BCAP29: variants seen among roughly 807,000 people sequenced by gnomAD.
The protein encoded by BCAP29 is B cell receptor associated protein 29.
BCAP29 carries 34 observed loss-of-function variants against 31.8 expected under a neutral mutation model. The ratio of observed to expected loss-of-function variants is 1.07; its 90% CI spans 0.81 to 1.42. The LOEUF (loss-of-function observed/expected upper bound fraction) is 1.42, where lower values mean the gene tolerates loss of function less well. Among genes scored for constraint, BCAP29 ranks in the 40% most tolerant of loss-of-function variants. The pLI is 0.00. For missense variants in BCAP29, 314 were observed against 269.2 expected, an observed-to-expected ratio of 1.17 and a Z score of -1.16; for synonymous variants, 104 against 91.3, an observed-to-expected ratio of 1.14 and a Z score of -0.79.
At chr7:107,606,542 C>T (rs1271284972) in intron 6 of BCAP29, among the ~76,000 whole-genome samples, 1 of 152,138 alleles carries the variant, frequency 6.6e-6, no homozygotes, top group African/African-American at 2.4e-5. Flanking sequence ...AGGTTTTATG[C>T]ATCTGTTAGC....
At chr7:107,588,232 A>C (rs1414531677) in intron 3 of BCAP29, among the ~76,000 whole-genome samples, 1 of 152,222 alleles carries the variant, frequency 6.6e-6, no homozygotes, top group Admixed American at 6.5e-5. Context: ...TAGATATGGC[A>C]TACAAATATA....
intron 3 of BCAP29, among the ~76,000 whole-genome samples, chr7:107,586,332 T>A (rs927833787): frequency 6.6e-6 from 1 of 152,168 alleles, no homozygotes; most frequent in African/African-American, 2.4e-5. Context: ...GACCAGCTAG[T>A]ACCAGTTATC....
intron 7 of BCAP29, chr7:107,616,397 T>A (rs1316103170): frequency 2.0e-5 from 3 of 152,178 alleles, no homozygotes; most frequent in Non-Finnish European, 2.9e-5. Context: ...TTGGTGTGTG[T>A]ACTTTTTCAT....
Position 107,618,870 on chromosome 7 carries a change from A to C in BCAP29, c.*507A>C, listed in dbSNP as rs1345727561. 1 of 228,662 alleles carries C rather than the reference A, an allele frequency of 4.4e-6. No homozygotes were observed. Among genetic ancestry groups the C allele is most frequent in the African/African-American group, 2.2e-5 (1 of 44,610 alleles). The allele number at this position is 228,662 out of a possible 1,614,324, so 14.2% of individuals were successfully genotyped here. On this transcript the variant is annotated 3_prime_UTR_variant, in exon 8 of 8. Transcript: ENST00000005259. ...TGTATTTATAAGGAAGAGTCGGAAA[A>C]AACAATGACCTTAGTTTTTTTTAAG...
At chr7:107,615,183 T>A (rs1193984521) in intron 7 of BCAP29, 1 of 456,406 alleles carries the variant, frequency 2.2e-6, no homozygotes, top group Non-Finnish European at 4.4e-6. Context: ...CAGCCATTGG[T>A]TCTCTTAATT....
At chr7:107,622,083 C>T (rs1309347876), downstream of BCAP29, 6 of 425,008 alleles carry the variant, frequency 1.4e-5, no homozygotes, top group Non-Finnish European at 2.8e-5. Context: ...CTGTATTTTG[C>T]CATTGTCGTT....
At chr7:107,623,049 C>G (rs1815103471), downstream of BCAP29, 1 of 151,976 alleles carries the variant, frequency 6.6e-6, no homozygotes, top group Non-Finnish European at 1.5e-5. Context: ...TTTTCTTCCT[C>G]TGTCCTGCTG....
At chr7:107,601,215 A>G (rs545051958) in intron 6 of BCAP29, among the ~76,000 whole-genome samples, 1 of 152,334 alleles carries the variant, frequency 6.6e-6, no homozygotes, top group Admixed American at 6.5e-5. Flanking sequence ...ACTCAGTGTA[A>G]GTTTGTGGCT....
chr7:107,591,333 C>T (rs991870992), intron 3 of BCAP29, among the ~76,000 whole-genome samples: 1 of 152,122 alleles, frequency 6.6e-6, no homozygotes, highest in African/African-American at 2.4e-5. Context: ...TTGGGAGACT[C>T]ACACTACCAG....
rs1814653842 is a variant in BCAP29, at chr7:107,618,939, T to C, written c.*576T>C. 2 of 162,150 alleles carry C rather than the reference T, an allele frequency of 1.2e-5. No homozygotes were observed. Among genetic ancestry groups the C allele is most frequent in the African/African-American group, 4.8e-5 (2 of 41,834 alleles). 10.0% of individuals were successfully genotyped at this position (162,150 alleles called of 1,614,324 possible). ...TACTCTAATAAGATAGCTATATTGA[T>C]AATTATATTTTTGTTACTGTGCCCT... On this transcript the variant is annotated 3_prime_UTR_variant, in exon 8 of 8. Coordinates refer to ENST00000005259, the MANE Select transcript of BCAP29 (RefSeq NM_018844.4).
chr7:107,583,432 A>G (rs546728720), intron 2 of BCAP29, among the ~76,000 whole-genome samples: 1 of 152,128 alleles, frequency 6.6e-6, no homozygotes, highest in African/African-American at 2.4e-5. Flanking sequence ...TTTTAGTTGG[A>G]GTATACGTTA....
chr7:107,615,505 A>T (rs1398800985), intron 7 of BCAP29: 4 of 336,136 alleles, frequency 1.2e-5, no homozygotes, highest in African/African-American at 6.4e-5. Context: ...CTGAGGCAGG[A>T]GAATCACTTG....
chr7:107,603,604 ATT>A (rs34689734), intron 6 of BCAP29: 1,614 of 108,450 alleles, frequency 0.015, 20 homozygotes, highest in African/African-American at 0.051. Flanking sequence ...TTCATCAGCA[ATT>A]TTTTTTTTTT....
chr7:107,589,737 T>C (rs1808370839), intron 3 of BCAP29, among the ~76,000 whole-genome samples: 1 of 152,216 alleles, frequency 6.6e-6, no homozygotes, highest in African/African-American at 2.4e-5. Flanking sequence ...ATACACTATA[T>C]TCTGGGCCAT....
intron 3 of BCAP29, among the ~76,000 whole-genome samples, chr7:107,591,592 C>G (rs1295364277): frequency 8.5e-6 from 1 of 117,122 alleles, no homozygotes; most frequent in Non-Finnish European, 1.7e-5. Flanking sequence ...CTCTCTCTCT[C>G]TCTTTCTCTC....
chr7:107,595,536 C>A (rs1478279555), intron 4 of BCAP29, among the ~76,000 whole-genome samples: 1 of 151,960 alleles, frequency 6.6e-6, no homozygotes, highest in Non-Finnish European at 1.5e-5. Context: ...TTGAACTGGG[C>A]CAAAAAAAAT....
At chr7:107,618,200 CT>C (rs1350173386) in intron 7 of BCAP29, 127 bp from the exon 8 acceptor site, 8 of 662,194 alleles carry the variant, frequency 1.2e-5, no homozygotes, top group Non-Finnish European at 1.4e-5. Flanking sequence ...TTTCTCAATC[CT>C]TTTTTTCACA....
chr7:107,599,996 G>T (rs1810866254), intron 5 of BCAP29, among the ~76,000 whole-genome samples: 1 of 152,076 alleles, frequency 6.6e-6, no homozygotes, highest in South Asian at 2.1e-4. Flanking sequence ...ATAAAAATAG[G>T]CTGAGTAGAT....
At chr7:107,601,476 AAAAAG>A (rs1378974921) in intron 6 of BCAP29, among the ~76,000 whole-genome samples, 7 of 152,236 alleles carry the variant, frequency 4.6e-5, no homozygotes, top group African/African-American at 1.7e-4. Flanking sequence ...TTCAAGTGAA[AAAAAG>A]AAGACAGTTC....
Sources: allele counts gnomAD v4.1 joint callset (sites outside exome capture counted in the v4.1 genomes callset), GRCh38; gene constraint gnomAD v4.1.1; transcripts MANE v1.5; gene names NCBI Gene and HGNC (gene_info 2026-07-23, HGNC 2026-07-21).